KLHL1: variants seen among roughly 807,000 people sequenced by gnomAD.
KLHL1 encodes the protein kelch-like protein 1.
In KLHL1, 47 loss-of-function variants were observed where a neutral mutation model predicts 77.7. The observed-to-expected ratio is 0.60, with a 90% CI of 0.48 to 0.77. The LOEUF is 0.77. Ranked by LOEUF, KLHL1 falls within the 30% of genes least tolerant of loss-of-function variation. The probability of loss-of-function intolerance (pLI) is 0.00; values close to 1 mark genes in which losing one functional copy is unlikely to be tolerated. For missense variants in KLHL1, 925 were observed against 910.8 expected (o/e 1.02, Z -0.20); for synonymous variants, 360 against 325.2 (o/e 1.11, Z -1.15).
intron 5 of KLHL1, among the ~76,000 whole-genome samples, chr13:69,879,529 T>A (rs2138191228): frequency 6.6e-6 from 1 of 152,296 alleles, no homozygotes; most frequent in African/African-American, 2.4e-5. Context: ...TATTAATCAT[T>A]CGAAAAAAAG....
intron 6 of KLHL1, among the ~76,000 whole-genome samples, chr13:69,823,281 T>C (rs1236855130): frequency 6.6e-6 from 1 of 152,138 alleles, no homozygotes; most frequent in African/African-American, 2.4e-5. Flanking sequence ...TACTCTCATT[T>C]TGCATATGAG....
At chr13:69,930,529 A>C (rs1882967092) in intron 4 of KLHL1, among the ~76,000 whole-genome samples, 1 of 151,812 alleles carries the variant, frequency 6.6e-6, no homozygotes, top group Admixed American at 6.6e-5. Context: ...AAGAAAATAC[A>C]ATTTGTGAAT....
At chr13:69,974,373 G>T (rs1307147042) in intron 2 of KLHL1, among the ~76,000 whole-genome samples, 1 of 151,052 alleles carries the variant, frequency 6.6e-6, no homozygotes, top group Non-Finnish European at 1.5e-5. Context: ...CATCCAATAG[G>T]AATATTGTAA....
At chr13:69,901,880 C>G (rs78132458) in intron 4 of KLHL1, among the ~76,000 whole-genome samples, 1 of 151,090 alleles carries the variant, frequency 6.6e-6, no homozygotes, top group East Asian at 2.0e-4. Flanking sequence ...TCAATGCAAC[C>G]TCTGCCTCAC....
intron 5 of KLHL1, among the ~76,000 whole-genome samples, chr13:69,862,787 C>T (rs1880225372): frequency 6.6e-6 from 1 of 152,024 alleles, no homozygotes; most frequent in Non-Finnish European, 1.5e-5. Flanking sequence ...CATGTGAGAA[C>T]ACAGTGAGAA....
intron 8 of KLHL1, among the ~76,000 whole-genome samples, chr13:69,729,034 G>A (rs1190778363): frequency 7.2e-5 from 11 of 152,064 alleles, no homozygotes. Context: ...AGACATCTTA[G>A]CTAGAATGTA....
chr13:69,984,478 G>A (rs920338169), intron 1 of KLHL1, among the ~76,000 whole-genome samples: 18 of 152,222 alleles, frequency 1.2e-4, no homozygotes, highest in Admixed American at 1.0e-3. Flanking sequence ...AAAACTGTTT[G>A]CATAATAAAA....
intron 10 of KLHL1, among the ~76,000 whole-genome samples, chr13:69,704,178 CCTTT>C (rs750872250): frequency 5.4e-5 from 8 of 148,498 alleles, no homozygotes; most frequent in African/African-American, 2.1e-4. Flanking sequence ...GAAAATGAAT[CCTTT>C]CTGTTTTTTC....
At chr13:69,757,511 T>C (rs1474607067) in intron 7 of KLHL1, among the ~76,000 whole-genome samples, 1 of 152,184 alleles carries the variant, frequency 6.6e-6, no homozygotes, top group Non-Finnish European at 1.5e-5. Context: ...TATGAATGTT[T>C]ATTATTTCTA....
chr13:69,702,549 G>A (rs1209293596), intron 10 of KLHL1, among the ~76,000 whole-genome samples: 1 of 151,534 alleles, frequency 6.6e-6, no homozygotes, highest in Non-Finnish European at 1.5e-5. Flanking sequence ...TGTATAAAAT[G>A]TAAGAAATAA....
chr13:69,749,366 TAATA>T (rs1464006636), intron 7 of KLHL1, among the ~76,000 whole-genome samples: 2 of 152,118 alleles, frequency 1.3e-5, no homozygotes, highest in East Asian at 3.9e-4. Flanking sequence ...AACTCAAGCT[TAATA>T]ATTACATGAT....
intron 6 of KLHL1, among the ~76,000 whole-genome samples, chr13:69,816,853 G>T (rs1444943878): frequency 6.6e-6 from 1 of 152,102 alleles, no homozygotes; most frequent in Admixed American, 6.6e-5. Flanking sequence ...AGCTATTCGG[G>T]AGGCTGAGGC....
At chr13:69,773,802 A>G (rs1369370242) in intron 7 of KLHL1, among the ~76,000 whole-genome samples, 1 of 151,584 alleles carries the variant, frequency 6.6e-6, no homozygotes, top group African/African-American at 2.4e-5. Context: ...AGCAATGTGA[A>G]GGCAATATCA....
intron 2 of KLHL1, 128 bp from the exon 3 acceptor site, chr13:69,961,572 CTCA>C (rs780988602): frequency 1.0e-5 from 10 of 973,786 alleles, no homozygotes; most frequent in Non-Finnish European, 1.4e-5. Context: ...TATTTATTGC[CTCA>C]TGAGTTGTAC....
intron 7 of KLHL1, among the ~76,000 whole-genome samples, chr13:69,792,936 T>A: frequency 6.6e-6 from 1 of 152,118 alleles, no homozygotes; most frequent in Non-Finnish European, 1.5e-5. Context: ...ATGACAAAAA[T>A]GTTTTGGAAT....
chr13:70,030,801 A>G (rs1886078093), intron 1 of KLHL1, among the ~76,000 whole-genome samples: 1 of 152,236 alleles, frequency 6.6e-6, no homozygotes, highest in African/African-American at 2.4e-5. Flanking sequence ...CAATGAATCC[A>G]GGAGCTGGTT....
At chr13:69,924,118 T>C (rs938544491) in intron 4 of KLHL1, among the ~76,000 whole-genome samples, 1 of 152,146 alleles carries the variant, frequency 6.6e-6, no homozygotes, top group Non-Finnish European at 1.5e-5. Context: ...CCGATAAGCA[T>C]GGGAGGGAGG....
intron 1 of KLHL1, among the ~76,000 whole-genome samples, chr13:70,077,860 A>C (rs113631596): frequency 0.012 from 1,886 of 152,128 alleles, 33 homozygotes; most frequent in African/African-American, 0.042. Context: ...CGAAGTCATG[A>C]AAAACCTCTG....
intron 4 of KLHL1, among the ~76,000 whole-genome samples, chr13:69,899,018 A>AT (rs4053609): frequency 3.1e-3 from 456 of 146,218 alleles, no homozygotes; most frequent in Middle Eastern, 0.017. Context: ...AAAATTACAC[A>AT]TTTTTTTTTT....
Sources: gnomAD v4.1 joint callset for allele counts (sites outside exome capture counted in the v4.1 genomes callset) on GRCh38, gnomAD v4.1.1 for gene constraint, MANE v1.5 for transcripts, NCBI Gene and HGNC (gene_info 2026-07-23, HGNC 2026-07-21) for gene names.